Variants in ZFYVE16 observed in about 807,000 individuals in gnomAD.
ZFYVE16 encodes the protein zinc finger FYVE-type containing 16, also known as zinc finger FYVE domain-containing protein 16.
ZFYVE16 carries 89 observed loss-of-function variants against 138.1 expected under a neutral mutation model. The observed-to-expected ratio is 0.64, with a 90% CI of 0.54 to 0.77. The LOEUF is 0.77. ZFYVE16 is among the 30% of genes least tolerant of loss of function. ZFYVE16 has a pLI of 0.00. For synonymous variants in ZFYVE16, 596 were observed against 618.3 expected (o/e 0.96, Z 0.53); for missense variants, 1,793 against 1,786.7 (o/e 1.00, Z -0.06).
chr5:80,421,471 A>T (rs1266855636), intron 1 of ZFYVE16, among the ~76,000 whole-genome samples: 1 of 152,128 alleles, frequency 6.6e-6, no homozygotes, highest in African/African-American at 2.4e-5. Flanking sequence ...TTAATTTTTT[A>T]TAAGGTGTAA....
chr5:80,420,080 G>T (rs1394212884), intron 1 of ZFYVE16, among the ~76,000 whole-genome samples: 1 of 149,868 alleles, frequency 6.7e-6, no homozygotes, highest in African/African-American at 2.5e-5. Context: ...AAAGTGCTGG[G>T]ATTACAGGCG....
At chr5:80,464,144 G>A (rs1425841335) in intron 15 of ZFYVE16, among the ~76,000 whole-genome samples, 3 of 152,166 alleles carry the variant, frequency 2.0e-5, no homozygotes, top group East Asian at 3.9e-4. Flanking sequence ...TATCTTTATA[G>A]CAACACCCCA....
rs199665165 is a variant in ZFYVE16, at chr5:80,474,808, G to T, written c.4439G>T (p.Arg1480Ile). The T allele has an allele frequency of 1.9e-5, 31 of 1,612,870 alleles. No homozygotes were observed. Among genetic ancestry groups the T allele is most frequent in the Non-Finnish European group, 2.6e-5 (31 of 1,179,480 alleles). ...AATGGGATGAATAAAATTGGACTCA[G>T]AGTTTCCATTGACACTGATATGGTG... is the stretch of plus-strand genomic sequence containing the variant. ...KSNGMNKIGL[R>I]VSIDTDMVEF... The change falls in exon 18 of 19, where the codon AGA becomes ATA. Residue 1480 changes from arginine (R) to isoleucine (I), a missense_variant. This residue lies in a region of ZFYVE16 where 498 missense variants were observed against 582.4 expected (regional missense o/e 0.86). Coordinates refer to ENST00000505560, the MANE Select transcript of ZFYVE16 (RefSeq NM_001284236.3).
intron 1 of ZFYVE16, among the ~76,000 whole-genome samples, chr5:80,426,236 G>A (rs1336083426): frequency 1.5e-5 from 2 of 131,210 alleles, no homozygotes; most frequent in African/African-American, 5.9e-5. Flanking sequence ...GTGTATGTGT[G>A]TGTGTCTGTG....
intron 9 of ZFYVE16, among the ~76,000 whole-genome samples, 189 bp downstream of exon 9, chr5:80,449,902 A>G (rs1411388192): frequency 6.6e-6 from 1 of 152,186 alleles, no homozygotes; most frequent in East Asian, 1.9e-4. Context: ...ATGAGCTTAC[A>G]GATTTTTATT....
chr5:80,441,638 G>A, intron 5 of ZFYVE16: 3 of 984,846 alleles, frequency 3.0e-6, no homozygotes, highest in Non-Finnish European at 3.6e-6. Context: ...AGAGATTGTA[G>A]ATAATGAGAA....
intron 15 of ZFYVE16, among the ~76,000 whole-genome samples, chr5:80,464,476 A>T (rs560829846): frequency 7.6e-4 from 115 of 152,312 alleles, no homozygotes; most frequent in Middle Eastern, 6.8e-3. Flanking sequence ...CTCCCTTGAC[A>T]CGTGAGGATT....
chr5:80,416,468 A>T (rs1029772106), intron 1 of ZFYVE16, among the ~76,000 whole-genome samples: 1 of 151,004 alleles, frequency 6.6e-6, no homozygotes, highest in Non-Finnish European at 1.5e-5. Flanking sequence ...GTTGGCCAGG[A>T]TGGTCTCGAT....
chr5:80,426,213 TGTG>T (rs1395034739), intron 1 of ZFYVE16, among the ~76,000 whole-genome samples: 1 of 145,278 alleles, frequency 6.9e-6, no homozygotes. Context: ...TGTGTGTGTG[TGTG>T]TGTGTGTGTG....
rs1007191920 is a variant in ZFYVE16, at chr5:80,481,734, A to G, written c.*4357A>G. On this transcript the variant is annotated 3_prime_UTR_variant, in exon 19 of 19. Coordinates refer to ENST00000505560, the MANE Select transcript of ZFYVE16 (RefSeq NM_001284236.3). ...ACAAAGAACTTGTGAAACCTAAGCA[A>G]CTCTCTAGGGAAAAGACAATGAACA... Among the ~76,000 whole-genome samples the G allele has an allele frequency of 2.0e-5, 3 of 152,178 alleles. No homozygotes were observed. Among genetic ancestry groups the G allele is most frequent in the African/African-American group, 7.2e-5 (3 of 41,438 alleles).
chr5:80,421,544 A>G (rs1309850685), intron 1 of ZFYVE16, among the ~76,000 whole-genome samples: 1 of 152,204 alleles, frequency 6.6e-6, no homozygotes, highest in Non-Finnish European at 1.5e-5. Context: ...CCATTTATTA[A>G]ATAGGGAATC....
At chr5:80,419,727 A>G (rs753548332) in intron 1 of ZFYVE16, among the ~76,000 whole-genome samples, 7 of 151,964 alleles carry the variant, frequency 4.6e-5, no homozygotes, top group Non-Finnish European at 8.8e-5. Flanking sequence ...TGAGGCCTAC[A>G]GAGTAGCTTG....
chr5:80,446,275 T>C (rs543479551), intron 7 of ZFYVE16, among the ~76,000 whole-genome samples: 74 of 152,270 alleles, frequency 4.9e-4, no homozygotes, highest in African/African-American at 1.7e-3. Flanking sequence ...TATACTCTTA[T>C]TGAGAACCCT....
rs79961273 is a variant in ZFYVE16, at chr5:80,481,537, C to T, written c.*4160C>T. On this transcript the variant is annotated 3_prime_UTR_variant, in exon 19 of 19. Coordinates refer to ENST00000505560, the MANE Select transcript of ZFYVE16 (RefSeq NM_001284236.3). ...GCTTAACAAAGGCAGTGAAAACTAA[C>T]ATTGGAACCACAGCCACCAAAAAAA... Among the ~76,000 whole-genome samples the T allele has an allele frequency of 6.8e-3, 1,036 of 152,158 alleles. 10 individuals carry two copies. Among genetic ancestry groups the T allele is most frequent in the African/African-American group, 0.024 (997 of 41,492 alleles).
intron 6 of ZFYVE16, among the ~76,000 whole-genome samples, chr5:80,444,540 A>C (rs1397079173): frequency 6.6e-6 from 1 of 151,500 alleles, no homozygotes; most frequent in Non-Finnish European, 1.5e-5. Flanking sequence ...AAAAATGTTT[A>C]TGCTGATATC....
rs757356606 is a variant in ZFYVE16, at chr5:80,449,566, T to C, written c.3104-25T>C. The C allele has an allele frequency of 5.0e-6, 8 of 1,595,524 alleles. No individual in the cohort carries two copies. In the East Asian group the frequency reaches 1.6e-4, roughly 32 times the overall value. On this transcript the variant is annotated intron_variant, in intron 8 of 18. Coordinates refer to ENST00000505560, the MANE Select transcript of ZFYVE16 (RefSeq NM_001284236.3). ...ATATTTAACAGGATATTTATCCTGA[T>C]TAATATATTACTTTCATCATTTAGT...
chr5:80,459,570 A>G (rs1752891777), intron 15 of ZFYVE16, 76 bp downstream of exon 15: 1 of 1,272,612 alleles, frequency 7.9e-7, no homozygotes, highest in Non-Finnish European at 1.1e-6. Context: ...TTTGATATTT[A>G]CACAAGAACA....
At chr5:80,461,825 G>A (rs577267285) in intron 15 of ZFYVE16, among the ~76,000 whole-genome samples, 7 of 152,120 alleles carry the variant, frequency 4.6e-5, no homozygotes, top group African/African-American at 1.4e-4. Context: ...ACAAAAAGTT[G>A]GTCAGGCGTG....
intron 3 of ZFYVE16, 73 bp downstream of exon 3, chr5:80,434,290 G>A (rs903562590): frequency 3.4e-6 from 5 of 1,456,594 alleles, no homozygotes; most frequent in South Asian, 1.2e-5. Context: ...CAGGTATACA[G>A]TAATATTAGC....
Sources: gnomAD v4.1 joint callset for allele counts (sites outside exome capture counted in the v4.1 genomes callset) on GRCh38, gnomAD v4.1.1 for gene constraint, gnomAD v4.1.1 regional missense constraint, MANE v1.5 for transcripts, NCBI Gene and HGNC (gene_info 2026-07-23, HGNC 2026-07-21) for gene names.